MLH3: variants seen among roughly 807,000 people sequenced by gnomAD.
MLH3 encodes mutL homolog 3, also known as DNA mismatch repair protein Mlh3.
A neutral mutation model predicts 122.2 loss-of-function variants in MLH3; 82 were observed. The ratio of observed to expected loss-of-function variants is 0.67; its 90% CI spans 0.56 to 0.81. The LOEUF (loss-of-function observed/expected upper bound fraction) is 0.81. MLH3 is among the 30% of genes least tolerant of loss of function. The pLI is 0.00. For synonymous variants in MLH3, 524 were observed against 599.5 expected (o/e 0.87, Z 1.84); for missense variants, 1,539 against 1,714.5 (o/e 0.90, Z 1.81).
chr14:75,025,233 C>T (rs1438990524), intron 9 of MLH3, among the ~76,000 whole-genome samples: 1 of 152,188 alleles, frequency 6.6e-6, no homozygotes, highest in Admixed American at 6.5e-5. Flanking sequence ...AGCCAAAGTT[C>T]CTGAAAGAGT....
chr14:75,016,954 C>A lies in MLH3; in HGVS notation c.*128G>T. ...AGAAAGACTGATACAGAGAGCCCTG[C>A]TGTCTAAGCTGCTCAGGGACACTGG... On this transcript the variant is annotated 3_prime_UTR_variant, in exon 13 of 13. Transcript: ENST00000355774. 2.9e-6 allele frequency: 3 copies of A among 1,026,096 alleles called. No homozygotes were observed. The highest frequency in any genetic ancestry group is 4.6e-6 in the Non-Finnish European group (3 of 654,092). The allele number at this position is 1,026,096 out of a possible 1,614,324, so 63.6% of individuals were successfully genotyped here. A position where few individuals can be genotyped will look rare whatever the true frequency, so the allele number is the denominator to read the frequency against.
rs2139556611 is a variant in MLH3 at position 75,046,920 on chromosome 14, G to A, written c.2736C>T (p.Cys912=). The change falls in exon 2 of 13, where the codon TGC becomes TGT. Residue 912 remains cysteine (C), a synonymous_variant. Transcript: ENST00000355774. ...TACAAAAATCTTGTGTTAACACACT[G>A]CACAACTTGCTGTCTTTCCTACTGG... ...SDSSRKDSKL[C]SVLTQDFCML... 1 of 1,614,014 alleles carries A rather than the reference G, an allele frequency of 6.2e-7. No homozygotes were observed. Among genetic ancestry groups the A allele is most frequent in the South Asian group, 1.1e-5 (1 of 91,082 alleles).
At chr14:75,037,451 T>TC (rs28757018) in intron 6 of MLH3, among the ~76,000 whole-genome samples, 5,196 of 152,268 alleles carry the variant, frequency 0.034, 121 homozygotes, top group South Asian at 0.05. Flanking sequence ...CCTGGTACAG[T>TC]CCCTGGCATA....
chr14:75,038,281 T>TA (rs1455838417), intron 6 of MLH3, 59 bp downstream of exon 6: 4 of 1,150,754 alleles, frequency 3.5e-6, no homozygotes, highest in Non-Finnish European at 4.0e-6. Context: ...AAATAATCAT[T>TA]AAAAAAAGGT....
rs772314175 is a variant in MLH3, at chr14:75,046,524, C to T, written c.3132G>A (p.Trp1044Ter). 7 of 1,614,188 alleles carry T rather than the reference C, an allele frequency of 4.3e-6. No homozygotes were observed. The highest frequency in any genetic ancestry group is 5.9e-6 in the Non-Finnish European group (7 of 1,180,032). Residue 1044 changes from tryptophan to a stop codon, truncating the protein, a stop_gained, in exon 2 of 13, where the codon TGG (tryptophan) becomes TGA (stop). Coordinates refer to ENST00000355774, the MANE Select transcript of MLH3 (RefSeq NM_001040108.2). LOFTEE classifies it high-confidence loss of function. ...CCAGGGCTACATCGAAATGCCGCTG[C>T]CAATCTGAACAACACGTGTTTGACT... ...TEESNTCCSD[W>*]QRHFDVALGR... is the part of the protein sequence containing the mutation.
In MLH3 at chr14:75,047,016, C is replaced by T; in HGVS notation, c.2640G>A (p.Leu880=). The change falls in exon 2 of 13, where the codon CTG becomes CTA. Residue 880 remains leucine, a synonymous_variant. Transcript: ENST00000355774. The part of the protein sequence containing the change: ...SESLASKLSR[L]KGSERETQTM... ...TTTGAGTTTCTCTTTCGGAACCCTT[C>T]AGTCTGGATAATTTAGAGGCTAGTG... The T allele has an allele frequency of 6.2e-7, 1 of 1,614,174 alleles. No individual in the cohort carries two copies.
chr14:75,041,968 G>C lies in MLH3; in HGVS notation c.3380-268C>G, dbSNP rs556516722. On this transcript the variant is annotated intron_variant, in intron 3 of 12. Coordinates refer to ENST00000355774, the MANE Select transcript of MLH3 (RefSeq NM_001040108.2). ...GTGGAATACTGACAGAGAAGCTATGGCTCAAATTTATAGCCTTACTGCCTT... is the reference window on the plus strand; with the variant it reads ...GTGGAATACTGACAGAGAAGCTATGCCTCAAATTTATAGCCTTACTGCCTT... Among the ~76,000 whole-genome samples, 117 of 152,268 alleles carry C rather than the reference G, an allele frequency of 7.7e-4. 1 individual carries two copies. Among genetic ancestry groups the C allele is most frequent in the African/African-American group, 2.5e-3 (105 of 41,554 alleles).
rs143278116 is a variant in MLH3, at chr14:75,047,207, T to C, written c.2449A>G (p.Ser817Gly). ...AGGATGTGGCTTGCTGGTTGACAAC[T>C]ACTATCTGAATCACTATGCTCCATA... ...TTMEHSDSDS[S>G]CQPASHILNS... is the part of the protein sequence containing the mutation. Residue 817 changes from serine to glycine, a missense_variant, in exon 2 of 13, where the codon AGT becomes GGT. By Grantham distance (56) the Ser-to-Gly change is moderately conservative. Coordinates refer to ENST00000355774, the MANE Select transcript of MLH3 (RefSeq NM_001040108.2). 672 of 1,614,034 alleles carry C rather than the reference T, an allele frequency of 4.2e-4. No individual in the cohort carries two copies. Among genetic ancestry groups the C allele is most frequent in the Non-Finnish European group, 5.4e-4 (638 of 1,179,994 alleles).
At chr14:75,022,603 T>C (rs771847083) in intron 11 of MLH3, among the ~76,000 whole-genome samples, 1 of 152,256 alleles carries the variant, frequency 6.6e-6, no homozygotes, top group Non-Finnish European at 1.5e-5. Flanking sequence ...TCCACTCATA[T>C]AGGTCAGGCA....
chr14:75,040,632 G>A (rs1365622041), intron 4 of MLH3, among the ~76,000 whole-genome samples: 3 of 152,026 alleles, frequency 2.0e-5, no homozygotes, highest in African/African-American at 7.2e-5. Context: ...GGAAAGAACT[G>A]GTAAACAAAT....
Position 75,049,760 on chromosome 14 carries a change from T to TATAA in MLH3, c.-63-43_-63-42insTTAT, listed in dbSNP as rs1892542887. ...CCACACACGCACATAATCAAAGCTT[T>TATAA]AGCATTACACAGCATTATGAAGAAA... is the stretch of plus-strand genomic sequence containing the variant. On this transcript the variant is annotated intron_variant, in intron 1 of 12. Transcript: ENST00000355774. The TATAA allele has an allele frequency of 3.6e-6, 4 of 1,116,084 alleles. No individual in the cohort carries two copies. The Admixed American group carries it at 5.9e-5, about 17-fold the overall frequency. 69.1% of individuals were successfully genotyped at this position (1,116,084 alleles called of 1,614,324 possible). A position where few individuals can be genotyped will look rare whatever the true frequency, so the allele number is the denominator to read the frequency against.
At position 75,016,436 on chromosome 14, in the gene MLH3, C is replaced by T. The variant is rs754358704; in HGVS notation, c.*646G>A. On this transcript the variant is annotated 3_prime_UTR_variant, in exon 13 of 13. Coordinates refer to ENST00000355774, the MANE Select transcript of MLH3 (RefSeq NM_001040108.2). ...TTTAAAGAAAACATAACAAAAAACC[C>T]GGAACAGGACTTTAAATTTTCTCTG... The T allele has an allele frequency of 6.3e-5, 12 of 190,782 alleles. No homozygotes were observed. Among genetic ancestry groups the T allele is most frequent in the East Asian group, 3.3e-4 (4 of 11,992 alleles). The allele number at this position is 190,782 out of a possible 1,614,324, so 11.8% of individuals were successfully genotyped here. A position where few individuals can be genotyped will look rare whatever the true frequency, so the allele number is the denominator to read the frequency against.
chr14:75,042,256 G>A, intron 3 of MLH3, 123 bp downstream of exon 3: 2 of 831,742 alleles, frequency 2.4e-6, no homozygotes, highest in Non-Finnish European at 4.2e-6. Context: ...CAGGGCCGTG[G>A]GGAATTCCTG....
Position 75,046,440 on chromosome 14 carries a change from C to T in MLH3, c.3216G>A (p.Glu1072=), listed in dbSNP as rs1304194388. ...CTTTAGTACAAGCAGCCTGAATGTCCTCAGTTGGGGCAATGAATGTGCTGA... is the reference window on the plus strand; with the variant it reads ...CTTTAGTACAAGCAGCCTGAATGTCTTCAGTTGGGGCAATGAATGTGCTGA... ...TGLSTFIAPT[E]DIQAACTKDL... Residue 1072 remains glutamate (E), a synonymous_variant, in exon 2 of 13, where the codon GAG becomes GAA. Transcript: ENST00000355774. 1 of 1,614,012 alleles carries T rather than the reference C, an allele frequency of 6.2e-7. No homozygotes were observed. The highest frequency in any genetic ancestry group is 8.5e-7 in the Non-Finnish European group (1 of 1,180,028).
At position 75,046,459 on chromosome 14, in the gene MLH3, G is replaced by C. The variant is rs41564213; in HGVS notation, c.3197C>G (p.Thr1066Arg). The C allele has an allele frequency of 6.2e-7, 1 of 1,614,178 alleles. No individual in the cohort carries two copies. The change falls in exon 2 of 13, where the codon ACA (threonine) becomes AGA (arginine). Residue 1066 changes from threonine (T) to arginine (R), a missense_variant. Coordinates refer to ENST00000355774, the MANE Select transcript of MLH3 (RefSeq NM_001040108.2). ...AATGTCCTCAGTTGGGGCAATGAATGTGCTGAGTCCAGTCATTTTGTTGAC... is the reference window on the plus strand; with the variant it reads ...AATGTCCTCAGTTGGGGCAATGAATCTGCTGAGTCCAGTCATTTTGTTGAC... ...VYVNKMTGLS[T>R]FIAPTEDIQA...
Position 75,035,710 on chromosome 14 carries a change from A to G in MLH3, c.3644-2220T>C, listed in dbSNP as rs1488485853. Among the ~76,000 whole-genome samples, 5 of 152,190 alleles carry G rather than the reference A, an allele frequency of 3.3e-5. 1 individual carries two copies. In the South Asian group the frequency reaches 1.0e-3, roughly 31 times the overall value. ...GAAATACATAGAGAATAAATGCTCT[A>G]AAACTTTAGCACTTGCCTGCAGGTA... On this transcript the variant is annotated intron_variant, in intron 6 of 12. Coordinates refer to ENST00000355774, the MANE Select transcript of MLH3 (RefSeq NM_001040108.2).
At chr14:75,021,552 A>G (rs565856640) in intron 11 of MLH3, among the ~76,000 whole-genome samples, 1 of 152,346 alleles carries the variant, frequency 6.6e-6, no homozygotes, top group East Asian at 1.9e-4. Flanking sequence ...GAAGACATAC[A>G]CATGGCCAAC....
intron 12 of MLH3, among the ~76,000 whole-genome samples, chr14:75,017,759 T>TA (rs1889987934): frequency 6.6e-6 from 1 of 152,204 alleles, no homozygotes; most frequent in East Asian, 1.9e-4. Flanking sequence ...TTTAATGAAG[T>TA]AAAATCAGCT....
At position 75,046,979 on chromosome 14, in the gene MLH3, T is replaced by TC; in HGVS notation, c.2676dup (p.Met893AspfsTer5). On this transcript the variant is annotated frameshift_variant, in exon 2 of 13. Coordinates refer to ENST00000355774, the MANE Select transcript of MLH3 (RefSeq NM_001040108.2). LOFTEE classifies it high-confidence loss of function. ...TTTGGAAGTTCATTAAAACGACTCA[T>TC]CATCCCCATTGTTTGAGTTTCTCTT... The TC allele has an allele frequency of 6.2e-7, 1 of 1,614,198 alleles. No individual in the cohort carries two copies. Among genetic ancestry groups the TC allele is most frequent in the Non-Finnish European group, 8.5e-7 (1 of 1,180,026 alleles).
Sources: gnomAD v4.1 joint callset for allele counts (sites outside exome capture counted in the v4.1 genomes callset) on GRCh38, gnomAD v4.1.1 for gene constraint, MANE v1.5 for transcripts, NCBI Gene and HGNC (gene_info 2026-07-23, HGNC 2026-07-21) for gene names.